The following CDC42SE2 variants were observed in gnomAD, a reference collection of about 807,000 sequenced individuals.
The protein encoded by CDC42SE2 is CDC42 small effector protein 2.
CDC42SE2 carries 3 observed loss-of-function variants against 11.5 expected under a neutral mutation model. That is an observed-to-expected ratio of 0.26 (90% CI 0.12 to 0.67). CDC42SE2 has a LOEUF of 0.67. Ranked by LOEUF, CDC42SE2 falls within the 30% of genes least tolerant of loss-of-function variation. The probability of loss-of-function intolerance (pLI) is 0.80; values close to 1 mark genes in which losing one functional copy is unlikely to be tolerated. For missense variants in CDC42SE2, 82 were observed against 106.8 expected (o/e 0.77, Z 1.02); for synonymous variants, 33 against 34.8 (o/e 0.95, Z 0.18).
the CDC42SE2 span, among the ~76,000 whole-genome samples, chr5:131,213,054 G>A: frequency 1.3e-5 from 2 of 152,172 alleles, no homozygotes; most frequent in Admixed American, 6.5e-5. Flanking sequence ...GCCAGGCATG[G>A]TGGTACATGC....
chr5:131,256,208 C>T (rs983109759), intron 2 of CDC42SE2, among the ~76,000 whole-genome samples: 2 of 152,192 alleles, frequency 1.3e-5, no homozygotes, highest in African/African-American at 4.8e-5. Flanking sequence ...TCCCCATTTG[C>T]TAAATTATCA....
intron 1 of CDC42SE2, among the ~76,000 whole-genome samples, chr5:131,287,870 C>A (rs1757373699): frequency 6.6e-6 from 1 of 151,796 alleles, no homozygotes. Context: ...AATAGTTGGG[C>A]TTTTATAGAA....
Position 131,391,142 on chromosome 5 carries a change from G to T in CDC42SE2, c.*51G>T. The T allele has an allele frequency of 8.5e-7, 1 of 1,182,092 alleles. No individual in the cohort carries two copies. The highest frequency in any genetic ancestry group is 1.2e-6 in the Non-Finnish European group (1 of 803,792). 73.2% of individuals were successfully genotyped at this position (1,182,092 alleles called of 1,614,324 possible). A position where few individuals can be genotyped will look rare whatever the true frequency, so the allele number is the denominator to read the frequency against. On this transcript the variant is annotated 3_prime_UTR_variant, in exon 5 of 5. Transcript: ENST00000505065. ...TCAGAGCTGGGGTCTGGACCTGACG[G>T]CCAGACATGGCCAGGCCAATAATAG...
chr5:131,253,405 G>A (rs1343816923), intron 1 of CDC42SE2, among the ~76,000 whole-genome samples: 1 of 152,180 alleles, frequency 6.6e-6, no homozygotes, highest in Non-Finnish European at 1.5e-5. Context: ...CCACTCAATA[G>A]GTGGACAGCA....
At chr5:131,319,569 A>G (rs939944444) in intron 2 of CDC42SE2, among the ~76,000 whole-genome samples, 1 of 152,164 alleles carries the variant, frequency 6.6e-6, no homozygotes, top group Non-Finnish European at 1.5e-5. Context: ...GATCTCTTAT[A>G]GCAGAATCAC....
intron 1 of CDC42SE2, among the ~76,000 whole-genome samples, chr5:131,254,914 A>G (rs1482971282): frequency 6.6e-6 from 1 of 152,236 alleles, no homozygotes; most frequent in Non-Finnish European, 1.5e-5. Context: ...AAATGAAATT[A>G]GAAATCTGTG....
intron 2 of CDC42SE2, among the ~76,000 whole-genome samples, chr5:131,339,723 T>C (rs947103872): frequency 3.3e-5 from 5 of 151,450 alleles, no homozygotes; most frequent in African/African-American, 1.2e-4. Context: ...GGCAGGAGAA[T>C]TGCTTGAACC....
At chr5:131,290,617 C>G (rs1757438966) in intron 1 of CDC42SE2, among the ~76,000 whole-genome samples, 1 of 151,414 alleles carries the variant, frequency 6.6e-6, no homozygotes, top group Non-Finnish European at 1.5e-5. Context: ...GTAGCAGAGA[C>G]TACAGGCTGG....
At chr5:131,268,177 C>T (rs1232582389) in intron 1 of CDC42SE2, among the ~76,000 whole-genome samples, 4 of 149,302 alleles carry the variant, frequency 2.7e-5, no homozygotes, top group Non-Finnish European at 5.9e-5. Context: ...ATTCTCCTGC[C>T]TCAGCCTCCT....
At chr5:131,261,858 CAA>C (rs751406623), upstream of CDC42SE2, among the ~76,000 whole-genome samples, 27 of 60,386 alleles carry the variant, frequency 4.5e-4, no homozygotes, top group Non-Finnish European at 5.4e-4. Flanking sequence ...GACCCTGTCT[CAA>C]AAAAAAAAAA....
chr5:131,351,817 C>T (rs1759019837), intron 2 of CDC42SE2, among the ~76,000 whole-genome samples: 1 of 152,130 alleles, frequency 6.6e-6, no homozygotes, highest in Non-Finnish European at 1.5e-5. Context: ...AGAGATAAAA[C>T]TTATGCATAA....
intron 2 of CDC42SE2, among the ~76,000 whole-genome samples, chr5:131,350,723 CT>C (rs202046202): frequency 1.3e-5 from 2 of 150,506 alleles, no homozygotes; most frequent in African/African-American, 2.4e-5. Context: ...TCACAGGAGG[CT>C]TTTTTTTGGG....
chr5:131,371,028 A>C (rs1191259866), intron 3 of CDC42SE2, among the ~76,000 whole-genome samples: 1 of 152,230 alleles, frequency 6.6e-6, no homozygotes, highest in Non-Finnish European at 1.5e-5. Flanking sequence ...ATTGTTGTAG[A>C]AAAATAAAAT....
chr5:131,352,963 T>C (rs1749392033), intron 2 of CDC42SE2, among the ~76,000 whole-genome samples: 1 of 152,086 alleles, frequency 6.6e-6, no homozygotes, highest in Non-Finnish European at 1.5e-5. Context: ...TATTATCAAC[T>C]GCTCATTGTT....
the CDC42SE2 span, among the ~76,000 whole-genome samples, chr5:131,217,011 C>G: frequency 6.6e-6 from 1 of 152,126 alleles, no homozygotes; most frequent in Non-Finnish European, 1.5e-5. Context: ...CAGGATCAGG[C>G]CAGGGGGCTG....
rs918067268 is a variant in CDC42SE2, at chr5:131,392,773, A to ATGTT, written c.*1683_*1686dup. ...ATTCTTTTATTTTTACTTCTTTTTA[A>ATGTT]TGTTATGGTATCCAGTTGTTTCCAG... On this transcript the variant is annotated 3_prime_UTR_variant, in exon 5 of 5. Transcript: ENST00000505065. 1 of 152,102 alleles carries ATGTT rather than the reference A, an allele frequency of 6.6e-6. No individual in the cohort carries two copies. The highest frequency in any genetic ancestry group is 2.4e-5 in the African/African-American group (1 of 41,310). The allele number at this position is 152,102 out of a possible 1,614,324, so 9.4% of individuals were successfully genotyped here.
intron 2 of CDC42SE2, among the ~76,000 whole-genome samples, chr5:131,316,437 C>T (rs537915592): frequency 6.6e-5 from 10 of 152,252 alleles, no homozygotes; most frequent in African/African-American, 2.2e-4. Flanking sequence ...ATTCAGCCAG[C>T]GCTGAAATGA....
chr5:131,270,570 T>C (rs892681551), intron 1 of CDC42SE2, among the ~76,000 whole-genome samples: 1 of 152,152 alleles, frequency 6.6e-6, no homozygotes. Flanking sequence ...GGGTGGAACT[T>C]GGTAAGGTTT....
Position 131,359,274 on chromosome 5 carries a change from GTC to G in CDC42SE2, c.-216_-215del, listed in dbSNP as rs1297632149. 3 of 577,278 alleles carry G rather than the reference GTC, an allele frequency of 5.2e-6. No individual in the cohort carries two copies. The highest frequency in any genetic ancestry group is 3.8e-5 in the African/African-American group (2 of 53,050). The allele number at this position is 577,278 out of a possible 1,614,324, so 35.8% of individuals were successfully genotyped here. A position where few individuals can be genotyped will look rare whatever the true frequency, so the allele number is the denominator to read the frequency against. ...TACCTTCGTCGTGGTTCAGAAAGGA[GTC>G]TCTGTAGAACCAGAAGCAAAGAAAG... On this transcript the variant is annotated 5_prime_UTR_variant, in exon 3 of 5. Coordinates refer to ENST00000505065, the MANE Select transcript of CDC42SE2 (RefSeq NM_001375635.1).
Sources: gnomAD v4.1 joint callset for allele counts (sites outside exome capture counted in the v4.1 genomes callset) on GRCh38, gnomAD v4.1.1 for gene constraint, MANE v1.5 for transcripts, NCBI Gene and HGNC (gene_info 2026-07-23, HGNC 2026-07-21) for gene names.